The following IL20RB variants were observed in gnomAD, a reference collection of about 807,000 sequenced individuals.
IL20RB encodes interleukin 20 receptor subunit beta.
IL20RB carries 21 observed loss-of-function variants against 33.3 expected under a neutral mutation model. The observed-to-expected ratio is 0.63, with a 90% CI of 0.45 to 0.91. IL20RB has a LOEUF of 0.91. Ranked by LOEUF, IL20RB falls within the 40% of genes least tolerant of loss-of-function variation. The pLI, the probability that IL20RB is intolerant of heterozygous loss-of-function variation, is 0.00. For synonymous variants in IL20RB, 147 were observed against 146.8 expected, an observed-to-expected ratio of 1.00 and a Z score of -0.01; for missense variants, 345 against 384.8, an observed-to-expected ratio of 0.90 and a Z score of 0.86.
intron 1 of IL20RB, among the ~76,000 whole-genome samples, chr3:136,978,002 G>T (rs1332689772): frequency 6.6e-6 from 1 of 152,076 alleles, no homozygotes; most frequent in Non-Finnish European, 1.5e-5. Flanking sequence ...GAATAAGAGT[G>T]GTAAGAGTGG....
At position 136,989,395 on chromosome 3, in the gene IL20RB, A is replaced by G. The variant is rs73864651; in HGVS notation, c.407-46A>G. 1.9e-6 allele frequency: 3 copies of G among 1,609,724 alleles called. No individual in the cohort carries two copies. The South Asian group carries it at 3.3e-5, about 18-fold the overall frequency. ...CGGTCATTGTGTTCCAGGGAAATCA[A>G]CCCTGTCTGGGGCTGGCTTTGACTC... is the stretch of plus-strand genomic sequence containing the variant. On this transcript the variant is annotated intron_variant, in intron 3 of 6. Transcript: ENST00000329582.
intron 2 of IL20RB, 98 bp downstream of exon 2, chr3:136,980,690 A>G (rs761707350): frequency 8.0e-7 from 1 of 1,247,958 alleles, no homozygotes; most frequent in Middle Eastern, 2.7e-4. Context: ...TTTTGAGTCC[A>G]GGGATAGATT....
chr3:137,010,410 G>A lies in IL20RB; in HGVS notation c.*187G>A. 1.9e-6 allele frequency: 1 copy of A among 526,896 alleles called. No individual in the cohort carries two copies. The highest frequency in any genetic ancestry group is 3.4e-6 in the Non-Finnish European group (1 of 291,370). 32.6% of individuals were successfully genotyped at this position (526,896 alleles called of 1,614,324 possible). ...GTTTGTCTAACAGAACACTGACTGAGGCTTAGGGGATGTGACCTCTAGACT... is the reference window on the plus strand; with the variant it reads ...GTTTGTCTAACAGAACACTGACTGAAGCTTAGGGGATGTGACCTCTAGACT... On this transcript the variant is annotated 3_prime_UTR_variant, in exon 7 of 7. Transcript: ENST00000329582.
At chr3:136,961,029 A>C (rs183180261) in intron 1 of IL20RB, among the ~76,000 whole-genome samples, 51 of 152,250 alleles carry the variant, frequency 3.3e-4, no homozygotes, top group African/African-American at 1.2e-3. Context: ...CCTTCATGCT[A>C]CTTCCCTTGG....
chr3:136,959,638 A>G (rs1358795699), intron 1 of IL20RB: 1 of 152,256 alleles, frequency 6.6e-6, no homozygotes, highest in Non-Finnish European at 1.5e-5. Flanking sequence ...CGCCCGTCTT[A>G]TAAGTATTTT....
intron 1 of IL20RB, among the ~76,000 whole-genome samples, chr3:136,958,630 G>A (rs12054219): frequency 0.46 from 70,367 of 151,848 alleles, 16,797 homozygotes; most frequent in East Asian, 0.7. Context: ...CATTGGATAC[G>A]AGACTTATAA....
chr3:136,980,317 A>G (rs1170502882), intron 1 of IL20RB, 149 bp from the exon 2 acceptor site: 1 of 821,836 alleles, frequency 1.2e-6, no homozygotes, highest in Admixed American at 2.0e-5. Context: ...ACAGAGTCTC[A>G]TTCTGTTGTC....
chr3:136,990,318 TA>T (rs1282925570), intron 4 of IL20RB, among the ~76,000 whole-genome samples: 12 of 152,034 alleles, frequency 7.9e-5, no homozygotes, highest in African/African-American at 2.7e-4. Context: ...TACGGTGCAA[TA>T]AGGAGCTCTC....
chr3:136,983,411 A>G (rs1941829495), intron 3 of IL20RB, among the ~76,000 whole-genome samples: 1 of 152,186 alleles, frequency 6.6e-6, no homozygotes, highest in Admixed American at 6.5e-5. Context: ...TTACAAAGCA[A>G]CACTCTGGCT....
chr3:136,995,568 G>A lies in IL20RB; in HGVS notation c.825+12G>A. On this transcript the variant is annotated intron_variant, in intron 6 of 6. Coordinates refer to ENST00000329582, the MANE Select transcript of IL20RB (RefSeq NM_144717.4). ...TCCCAGACACCTTGGTAATAGAGTA[G>A]TTCTTTATTCCTTTCAGTATAACAC... The A allele has an allele frequency of 1.2e-6, 2 of 1,613,698 alleles. No individual in the cohort carries two copies. The highest frequency in any genetic ancestry group is 1.7e-6 in the Non-Finnish European group (2 of 1,179,670).
chr3:136,982,596 G>C (rs985991673), intron 3 of IL20RB, among the ~76,000 whole-genome samples: 1 of 152,184 alleles, frequency 6.6e-6, no homozygotes, highest in Non-Finnish European at 1.5e-5. Context: ...TGCAGGTGTT[G>C]GGGATGCTGA....
chr3:136,995,619 C>A lies in IL20RB; in HGVS notation c.825+63C>A, dbSNP rs933014450. 11 of 1,510,068 alleles carry A rather than the reference C, an allele frequency of 7.3e-6. No homozygotes were observed. In the South Asian group the frequency reaches 1.2e-4, roughly 16 times the overall value. The allele number at this position is 1,510,068 out of a possible 1,614,324, so 93.5% of individuals were successfully genotyped here. ...TGACCAGATGTAGTTTGGGCCTTAG[C>A]TGGGCATGGGCACATGTTTCCATGT... On this transcript the variant is annotated intron_variant, in intron 6 of 6. Transcript: ENST00000329582.
At chr3:137,006,276 G>A (rs1401626094) in intron 6 of IL20RB, among the ~76,000 whole-genome samples, 1 of 152,054 alleles carries the variant, frequency 6.6e-6, no homozygotes, top group East Asian at 1.9e-4. Context: ...TATCTTTGTG[G>A]TGTTCTCTGT....
At chr3:136,979,836 C>T (rs917210626) in intron 1 of IL20RB, among the ~76,000 whole-genome samples, 5 of 152,180 alleles carry the variant, frequency 3.3e-5, no homozygotes, top group African/African-American at 7.2e-5. Flanking sequence ...GGACATGAAA[C>T]GATTGCTTTG....
intron 1 of IL20RB, chr3:136,969,277 C>CG (rs1941402358): frequency 8.3e-6 from 1 of 120,946 alleles, no homozygotes; most frequent in Non-Finnish European, 1.6e-5. Flanking sequence ...TGGGCAATGG[C>CG]GGGCGCCCCT....
At chr3:136,972,440 C>G (rs533133033) in intron 1 of IL20RB, among the ~76,000 whole-genome samples, 1 of 152,206 alleles carries the variant, frequency 6.6e-6, no homozygotes, top group South Asian at 2.1e-4. Context: ...TAATCCTGGG[C>G]TTTTCTTTGT....
chr3:136,971,390 C>G (rs1941481621), intron 1 of IL20RB, among the ~76,000 whole-genome samples: 1 of 152,232 alleles, frequency 6.6e-6, no homozygotes, highest in African/African-American at 2.4e-5. Flanking sequence ...CTTGGCCTCC[C>G]AAAGTGCTGG....
chr3:136,989,349 G>A, intron 3 of IL20RB, 92 bp from the exon 4 acceptor site: 1 of 1,469,608 alleles, frequency 6.8e-7, no homozygotes, highest in Non-Finnish European at 9.5e-7. Context: ...TACGGAGACG[G>A]ACATATTTCC....
In IL20RB at chr3:137,011,024, G is replaced by C. The variant is rs889081228; in HGVS notation, c.*801G>C. 3.3e-5 allele frequency: 5 copies of C among 152,198 alleles called. No homozygotes were observed. Among genetic ancestry groups the C allele is most frequent in the Non-Finnish European group, 7.3e-5 (5 of 68,038 alleles). The allele number at this position is 152,198 out of a possible 1,614,324, so 9.4% of individuals were successfully genotyped here. On this transcript the variant is annotated 3_prime_UTR_variant, in exon 7 of 7. Transcript: ENST00000329582. ...CATGTTTGTTGTGCTCCTTTTTTCT[G>C]TTGGTAAAGTACAGAATTCAGCAAA...
Sources: gnomAD v4.1 joint callset for allele counts (sites outside exome capture counted in the v4.1 genomes callset) on GRCh38, gnomAD v4.1.1 for gene constraint, MANE v1.5 for transcripts, NCBI Gene and HGNC (gene_info 2026-07-23, HGNC 2026-07-21) for gene names.